KCNQ3: variants seen among roughly 807,000 people sequenced by gnomAD.
KCNQ3 encodes potassium voltage-gated channel subfamily KQT member 3.
KCNQ3 carries 30 observed loss-of-function variants against 92.5 expected under a neutral mutation model. The observed-to-expected ratio is 0.32, with a 90% CI of 0.24 to 0.44. The LOEUF (loss-of-function observed/expected upper bound fraction) is 0.44. Among genes scored for constraint, KCNQ3 ranks in the 20% least tolerant of loss-of-function variants. The pLI is 1.00. For synonymous variants in KCNQ3, 450 were observed against 468.8 expected (o/e 0.96, Z 0.52); for missense variants, 913 against 1,140.3 (o/e 0.80, Z 2.87).
At chr8:132,267,748 C>T (rs1360626079) in intron 1 of KCNQ3, among the ~76,000 whole-genome samples, 1 of 152,106 alleles carries the variant, frequency 6.6e-6, no homozygotes, top group East Asian at 1.9e-4. Context: ...TGGTGATAGC[C>T]CAGGAATCTG....
chr8:132,400,048 A>T (rs1820294389), intron 1 of KCNQ3, among the ~76,000 whole-genome samples: 1 of 152,204 alleles, frequency 6.6e-6, no homozygotes, highest in Non-Finnish European at 1.5e-5. Flanking sequence ...GCCACCAGGG[A>T]AGGCTTCCTG....
chr8:132,299,792 C>A (rs570603985), intron 1 of KCNQ3, among the ~76,000 whole-genome samples: 1 of 152,158 alleles, frequency 6.6e-6, no homozygotes, highest in South Asian at 2.1e-4. Context: ...TTTCTGAGGG[C>A]GGTATTTTCC....
intron 1 of KCNQ3, among the ~76,000 whole-genome samples, chr8:132,276,333 G>A (rs1236533220): frequency 1.3e-5 from 2 of 152,124 alleles, no homozygotes; most frequent in Non-Finnish European, 2.9e-5. Context: ...GTGCTGAGGT[G>A]TAAGTAATGC....
At chr8:132,347,039 C>T (rs916185352) in intron 1 of KCNQ3, among the ~76,000 whole-genome samples, 1 of 152,170 alleles carries the variant, frequency 6.6e-6, no homozygotes, top group African/African-American at 2.4e-5. Flanking sequence ...CATCACCCTC[C>T]ATTGTCTTGT....
At chr8:132,192,554 A>G (rs953452454) in intron 1 of KCNQ3, among the ~76,000 whole-genome samples, 11 of 152,098 alleles carry the variant, frequency 7.2e-5, no homozygotes, top group African/African-American at 2.6e-4. Flanking sequence ...TCCTCTCTCT[A>G]CATTCTCACC....
intron 9 of KCNQ3, among the ~76,000 whole-genome samples, chr8:132,160,845 C>T (rs1022825501): frequency 9.9e-5 from 15 of 151,218 alleles, no homozygotes; most frequent in African/African-American, 3.2e-4. Context: ...CAACTTCTAC[C>T]GTGGGCTTAC....
chr8:132,451,294 G>A (rs1821815790), intron 1 of KCNQ3, among the ~76,000 whole-genome samples: 1 of 152,222 alleles, frequency 6.6e-6, no homozygotes. Flanking sequence ...GTGGAACTGT[G>A]AGTCCATTAA....
intron 1 of KCNQ3, among the ~76,000 whole-genome samples, chr8:132,388,889 T>G (rs1194500093): frequency 1.3e-5 from 2 of 152,208 alleles, no homozygotes; most frequent in African/African-American, 4.8e-5. Flanking sequence ...TCTGATTCCA[T>G]TCTATGATTT....
intron 1 of KCNQ3, among the ~76,000 whole-genome samples, chr8:132,363,170 T>A (rs1251071678): frequency 1.3e-5 from 2 of 152,064 alleles, no homozygotes; most frequent in African/African-American, 2.4e-5. Flanking sequence ...GTGTAGAGCA[T>A]CTCTGATTAC....
intron 8 of KCNQ3, among the ~76,000 whole-genome samples, chr8:132,169,850 T>A (rs1195232651): frequency 6.6e-6 from 1 of 152,128 alleles, no homozygotes; most frequent in African/African-American, 2.4e-5. Flanking sequence ...ATCAGATTTT[T>A]TTTTTCTTTA....
Position 132,127,026 on chromosome 8 carries a change from C to G in KCNQ3, c.*2236G>C, listed in dbSNP as rs1474865321. 6.6e-6 allele frequency: 1 copy of G among 152,086 alleles called. No homozygotes were observed. The highest frequency in any genetic ancestry group is 2.4e-5 in the African/African-American group (1 of 41,406). The allele number at this position is 152,086 out of a possible 1,614,324, so 9.4% of individuals were successfully genotyped here. A position where few individuals can be genotyped will look rare whatever the true frequency, so the allele number is the denominator to read the frequency against. ...GCATAGTAACATGTTGGATGTTAGG[C>G]AGGTGATCATCTCAAGTGAAAGATT... is the stretch of plus-strand genomic sequence containing the variant. On this transcript the variant is annotated 3_prime_UTR_variant, in exon 15 of 15. Coordinates refer to ENST00000388996, the MANE Select transcript of KCNQ3 (RefSeq NM_004519.4).
intron 1 of KCNQ3, among the ~76,000 whole-genome samples, chr8:132,324,876 A>C (rs184462045): frequency 6.6e-6 from 1 of 152,022 alleles, no homozygotes. Flanking sequence ...CTTTCCTGCA[A>C]CTCAGCTCCA....
intron 13 of KCNQ3, among the ~76,000 whole-genome samples, chr8:132,133,708 C>CA (rs1824963194): frequency 6.6e-6 from 1 of 152,178 alleles, no homozygotes; most frequent in South Asian, 2.1e-4. Context: ...CTAACTCCCT[C>CA]ACTCATTGTG....
At chr8:132,374,896 AT>A (rs1417520445) in intron 1 of KCNQ3, among the ~76,000 whole-genome samples, 1 of 152,148 alleles carries the variant, frequency 6.6e-6, no homozygotes, top group Non-Finnish European at 1.5e-5. Flanking sequence ...CATCGTGTAT[AT>A]GTACCACATT....
chr8:132,372,477 C>T (rs1194897195), intron 1 of KCNQ3, among the ~76,000 whole-genome samples: 2 of 152,062 alleles, frequency 1.3e-5, no homozygotes, highest in Non-Finnish European at 2.9e-5. Context: ...GCTTAGAGGC[C>T]GGGCGCAGTG....
In KCNQ3 at chr8:132,454,331, C is replaced by T. The variant is rs552842237; in HGVS notation, c.386+25816G>A. On this transcript the variant is annotated intron_variant, in intron 1 of 14. Coordinates refer to ENST00000388996, the MANE Select transcript of KCNQ3 (RefSeq NM_004519.4). ...CTGTTCCTCCACTCTCTCACGTCCA[C>T]AACAGGTCACAGTCATTAAAATTAT... Among the ~76,000 whole-genome samples the T allele has an allele frequency of 1.2e-3, 184 of 152,338 alleles. 2 individuals carry two copies. Among genetic ancestry groups the T allele is most frequent in the African/African-American group, 3.8e-3 (160 of 41,578 alleles).
At chr8:132,261,148 C>T (rs950764644) in intron 1 of KCNQ3, among the ~76,000 whole-genome samples, 29 of 152,308 alleles carry the variant, frequency 1.9e-4, no homozygotes, top group Non-Finnish European at 3.8e-4. Context: ...TAAGAATATG[C>T]AGGCAATTCA....
At chr8:132,159,025 A>C (rs1825897900) in intron 9 of KCNQ3, among the ~76,000 whole-genome samples, 1 of 152,214 alleles carries the variant, frequency 6.6e-6, no homozygotes, top group Non-Finnish European at 1.5e-5. Context: ...CAGGCAAGCA[A>C]CTGCTGTCAA....
chr8:132,441,276 T>C (rs1821527649), intron 1 of KCNQ3, among the ~76,000 whole-genome samples: 1 of 152,176 alleles, frequency 6.6e-6, no homozygotes. Context: ...GTAGGCCAGG[T>C]GCAGTGGCTC....
Sources: allele counts gnomAD v4.1 joint callset (sites outside exome capture counted in the v4.1 genomes callset), GRCh38; gene constraint gnomAD v4.1.1; transcripts MANE v1.5; gene names NCBI Gene and HGNC (gene_info 2026-07-23, HGNC 2026-07-21).